The following FAM193A variants were observed in gnomAD, a reference collection of about 807,000 sequenced individuals.
The protein encoded by FAM193A is family with sequence similarity 193 member A, also known as protein FAM193A.
In FAM193A, 22 loss-of-function variants were observed where a neutral mutation model predicts 126.5. That is an observed-to-expected ratio of 0.17 (90% CI 0.12 to 0.25). FAM193A has a LOEUF of 0.25. Ranked by LOEUF, FAM193A falls within the 10% of genes least tolerant of loss-of-function variation. The pLI, the probability that FAM193A is intolerant of heterozygous loss-of-function variation, is 1.00. For missense variants in FAM193A, 1,675 were observed against 1,672.8 expected, an observed-to-expected ratio of 1.00 and a Z score of -0.02; for synonymous variants, 761 against 646.8, an observed-to-expected ratio of 1.18 and a Z score of -2.68.
chr4:2,714,196 C>T (rs143102749), intron 19 of FAM193A, among the ~76,000 whole-genome samples: 2 of 152,146 alleles, frequency 1.3e-5, no homozygotes, highest in African/African-American at 2.4e-5. Context: ...CCCTCTCTCA[C>T]CCTTGCTTGT....
intron 7 of FAM193A, among the ~76,000 whole-genome samples, chr4:2,652,096 C>T (rs1390318920): frequency 6.6e-6 from 1 of 152,132 alleles, no homozygotes; most frequent in African/African-American, 2.4e-5. Context: ...GGCTGGTGGC[C>T]TCTGTGCCTG....
chr4:2,685,688 C>G (rs888334219), intron 13 of FAM193A, among the ~76,000 whole-genome samples: 1 of 152,222 alleles, frequency 6.6e-6, no homozygotes, highest in Non-Finnish European at 1.5e-5. Flanking sequence ...TTGGGAACCT[C>G]TCACGTGTGG....
rs1425439666 is a variant in FAM193A at position 2,617,261 on chromosome 4, TA to T, written c.502-8000del. ...TTTATTATATATATATATATATATA[TA>T]TTTTTTTTTTTTTTTTTTTTTTGAG... On this transcript the variant is annotated intron_variant, in intron 2 of 20. Coordinates refer to ENST00000637812, the MANE Select transcript of FAM193A (RefSeq NM_001366318.2). Among the ~76,000 whole-genome samples the T allele has an allele frequency of 3.8e-3, 210 of 55,890 alleles. 14 individuals carry two copies. Among genetic ancestry groups the T allele is most frequent in the African/African-American group, 8.7e-3 (53 of 6,092 alleles). The allele number at this position is 55,890 out of a possible 152,430, so 36.7% of individuals were successfully genotyped here. A position where few individuals can be genotyped will look rare whatever the true frequency, so the allele number is the denominator to read the frequency against.
At chr4:2,586,517 A>ATCTTGGT (rs1740248572) in intron 1 of FAM193A, among the ~76,000 whole-genome samples, 1 of 152,086 alleles carries the variant, frequency 6.6e-6, no homozygotes, top group Admixed American at 6.6e-5. Context: ...GTAGAATGCC[A>ATCTTGGT]TCTTGGTTAT....
At chr4:2,576,350 G>C (rs113673240) in intron 1 of FAM193A, among the ~76,000 whole-genome samples, 21 of 152,230 alleles carry the variant, frequency 1.4e-4, no homozygotes, top group African/African-American at 4.8e-4. Context: ...CGCCTGCCTC[G>C]GCCTCCCAGA....
At chr4:2,641,900 T>G (rs1432261322) in intron 6 of FAM193A, among the ~76,000 whole-genome samples, 7 of 149,188 alleles carry the variant, frequency 4.7e-5, no homozygotes, top group Non-Finnish European at 8.9e-5. Context: ...GCCTAGGAGC[T>G]GGAGACCAGA....
intron 1 of FAM193A, among the ~76,000 whole-genome samples, chr4:2,592,709 G>A (rs2108901313): frequency 6.6e-6 from 1 of 152,284 alleles, no homozygotes; most frequent in South Asian, 2.1e-4. Flanking sequence ...CTTTGGGGAG[G>A]CCAAAGTAAA....
chr4:2,685,678 T>C (rs2109239267), intron 13 of FAM193A, among the ~76,000 whole-genome samples: 1 of 152,316 alleles, frequency 6.6e-6, no homozygotes, highest in South Asian at 2.1e-4. Flanking sequence ...ATGCTTAGTG[T>C]TGGGAACCTC....
chr4:2,655,697 A>G (rs1300415810), intron 7 of FAM193A, among the ~76,000 whole-genome samples: 1 of 151,906 alleles, frequency 6.6e-6, no homozygotes, highest in Non-Finnish European at 1.5e-5. Flanking sequence ...TTGGGAGGCC[A>G]AAGCAGAAGG....
chr4:2,690,992 G>T, intron 15 of FAM193A, 22 bp downstream of exon 15: 11 of 1,593,304 alleles, frequency 6.9e-6, no homozygotes, highest in Non-Finnish European at 9.4e-6. Context: ...AGGCTCACTG[G>T]CCCTCGGGGT....
At chr4:2,606,285 C>T (rs934470080) in intron 2 of FAM193A, among the ~76,000 whole-genome samples, 5 of 151,916 alleles carry the variant, frequency 3.3e-5, no homozygotes, top group Non-Finnish European at 5.9e-5. Context: ...ATACTGACCT[C>T]GTGATCCACC....
intron 12 of FAM193A, among the ~76,000 whole-genome samples, chr4:2,667,991 G>A (rs1222643729): frequency 2.0e-5 from 3 of 151,922 alleles, no homozygotes; most frequent in Admixed American, 2.0e-4. Context: ...GCAACCTCAA[G>A]CTCCTGGGCT....
At chr4:2,547,120 G>C (rs1274113345) in intron 1 of FAM193A, among the ~76,000 whole-genome samples, 1 of 152,112 alleles carries the variant, frequency 6.6e-6, no homozygotes, top group Non-Finnish European at 1.5e-5. Context: ...GGGCGTGGTG[G>C]CTCACGCCTG....
rs140205403 is a variant in FAM193A at position 2,722,657 on chromosome 4, G to A, written c.4454+6553G>A. Among the ~76,000 whole-genome samples, 75 of 152,296 alleles carry A rather than the reference G, an allele frequency of 4.9e-4. No individual in the cohort carries two copies. In the East Asian group the frequency reaches 0.012, roughly 25 times the overall value. Reference sequence around the variant, plus strand: ...GGAGATGACACAGTCAGCCCTTCCAGTTTAGGGGAGTGAGGGGATCAGTCT... The same window carrying A: ...GGAGATGACACAGTCAGCCCTTCCAATTTAGGGGAGTGAGGGGATCAGTCT... On this transcript the variant is annotated intron_variant, in intron 20 of 20. Coordinates refer to ENST00000637812, the MANE Select transcript of FAM193A (RefSeq NM_001366318.2).
chr4:2,725,214 A>G (rs1272565687), intron 20 of FAM193A, among the ~76,000 whole-genome samples: 1 of 151,964 alleles, frequency 6.6e-6, no homozygotes, highest in African/African-American at 2.4e-5. Flanking sequence ...AAAACTATAT[A>G]TATATGTATG....
At chr4:2,565,338 C>A (rs1230762113) in intron 1 of FAM193A, among the ~76,000 whole-genome samples, 2 of 126,918 alleles carry the variant, frequency 1.6e-5, no homozygotes, top group Non-Finnish European at 3.1e-5. Flanking sequence ...CAGTTTACTA[C>A]ATCCTCTGCC....
Position 2,659,908 on chromosome 4 carries a change from T to C in FAM193A, c.1599T>C (p.Leu533=). ...TDDIHIHQLP[L]QVDPAPDYLA... is the part of the protein sequence containing the mutation. The stretch of plus-strand genomic sequence containing the variant: ...ACATCCACATTCACCAGCTCCCACT[T>C]CAAGTGGATCCTGCTCCTGACTATC... The change falls in exon 10 of 21, where the codon CTT becomes CTC. Residue 533 remains leucine, a synonymous_variant. Transcript: ENST00000637812. 1.2e-6 allele frequency: 2 copies of C among 1,614,128 alleles called. No individual in the cohort carries two copies. Among genetic ancestry groups the C allele is most frequent in the Non-Finnish European group, 1.7e-6 (2 of 1,180,044 alleles).
At chr4:2,679,385 T>C (rs1339559174) in intron 13 of FAM193A, among the ~76,000 whole-genome samples, 9 of 126,622 alleles carry the variant, frequency 7.1e-5, no homozygotes, top group Admixed American at 3.6e-4. Flanking sequence ...CTTTTTTTTT[T>C]TTTTTTTTTT....
At chr4:2,585,121 A>G (rs191619820) in intron 1 of FAM193A, among the ~76,000 whole-genome samples, 35 of 152,340 alleles carry the variant, frequency 2.3e-4, no homozygotes, top group Non-Finnish European at 2.6e-4. Flanking sequence ...GTATTTCACC[A>G]TATAGATGAC....
Sources: gnomAD v4.1 joint callset for allele counts (sites outside exome capture counted in the v4.1 genomes callset) on GRCh38, gnomAD v4.1.1 for gene constraint, MANE v1.5 for transcripts, NCBI Gene and HGNC (gene_info 2026-07-23, HGNC 2026-07-21) for gene names.